The following TENM2 variants were observed in gnomAD, a reference collection of about 807,000 sequenced individuals.
The protein encoded by TENM2 is teneurin transmembrane protein 2.
Under a neutral mutation model 245.2 loss-of-function variants are expected in TENM2, and 52 were observed. That is an observed-to-expected ratio of 0.21 (90% CI 0.17 to 0.27). The LOEUF (loss-of-function observed/expected upper bound fraction) is 0.27, where lower values mean the gene tolerates loss of function less well. Ranked by LOEUF, TENM2 falls within the 10% of genes least tolerant of loss-of-function variation. The pLI is 1.00. For synonymous variants in TENM2, 1,363 were observed against 1,438.9 expected (o/e 0.95, Z 1.19); for missense variants, 3,046 against 3,666.8 (o/e 0.83, Z 4.37).
At chr5:167,607,112 C>A (rs1777109478) in intron 2 of TENM2, among the ~76,000 whole-genome samples, 1 of 152,062 alleles carries the variant, frequency 6.6e-6, no homozygotes, top group Admixed American at 6.6e-5. Context: ...AGAGGGCTGG[C>A]TCTAGAAAAA....
At chr5:167,079,300 A>G in the TENM2 span, among the ~76,000 whole-genome samples, 5 of 148,460 alleles carry the variant, frequency 3.4e-5, no homozygotes, top group South Asian at 1.0e-3. Flanking sequence ...TATTATATAT[A>G]TATAATATAA....
In TENM2 at chr5:167,658,459, C is replaced by T. The variant is rs181149672; in HGVS notation, c.503-217527C>T. On this transcript the variant is annotated intron_variant, in intron 2 of 28. Coordinates refer to ENST00000518659, the Ensembl canonical transcript of TENM2. ...ATGATCTCAGGTGATCTTCCCACCT[C>T]GGCCTCCCAAAGTGGTGAAGCCTCT... Among the ~76,000 whole-genome samples, 6 of 152,218 alleles carry T rather than the reference C, an allele frequency of 3.9e-5. 1 individual carries two copies. The highest frequency in any genetic ancestry group is 1.9e-4 in the East Asian group (1 of 5,170).
intron 12 of TENM2, among the ~76,000 whole-genome samples, chr5:168,138,010 C>A (rs775455093): frequency 1.3e-5 from 2 of 151,546 alleles, no homozygotes; most frequent in East Asian, 2.0e-4. Context: ...CCACTCCAAA[C>A]TCTCAATCAT....
At chr5:167,110,795 G>A in the TENM2 span, among the ~76,000 whole-genome samples, 1 of 152,116 alleles carries the variant, frequency 6.6e-6, no homozygotes, top group African/African-American at 2.4e-5. Context: ...CATTTTTGGA[G>A]ACTCAGAAAA....
the TENM2 span, among the ~76,000 whole-genome samples, chr5:167,223,347 A>G: frequency 6.6e-6 from 1 of 151,222 alleles, no homozygotes. Context: ...CCCCACCCCC[A>G]TACACCCTTC....
At chr5:167,456,799 G>T (rs1240248839) in intron 2 of TENM2, among the ~76,000 whole-genome samples, 1 of 152,076 alleles carries the variant, frequency 6.6e-6, no homozygotes, top group Non-Finnish European at 1.5e-5. Context: ...GCTGATTTTG[G>T]TTTATGCCAT....
intron 2 of TENM2, among the ~76,000 whole-genome samples, chr5:167,400,681 A>G (rs1481372268): frequency 6.6e-6 from 1 of 152,092 alleles, no homozygotes; most frequent in Non-Finnish European, 1.5e-5. Flanking sequence ...GACCCTAGAA[A>G]TGCTCCCTTT....
intron 7 of TENM2, among the ~76,000 whole-genome samples, chr5:168,078,939 T>C (rs949152294): frequency 1.3e-5 from 2 of 152,216 alleles, no homozygotes; most frequent in African/African-American, 4.8e-5. Context: ...ATATGAACTT[T>C]AAAGTAGTTT....
At chr5:167,780,717 A>G (rs57533222) in intron 2 of TENM2, among the ~76,000 whole-genome samples, 18,596 of 152,192 alleles carry the variant, frequency 0.12, 1,641 homozygotes, top group East Asian at 0.42. Context: ...CAACAAAGCT[A>G]TGTAATAATT....
intron 1 of TENM2, among the ~76,000 whole-genome samples, chr5:167,342,558 TC>T (rs1377291352): frequency 7.6e-6 from 1 of 131,652 alleles, no homozygotes; most frequent in Non-Finnish European, 1.6e-5. Flanking sequence ...TCTCGCTCTG[TC>T]GCCCAGGCCG....
the TENM2 span, among the ~76,000 whole-genome samples, chr5:166,979,271 G>C: frequency 6.6e-6 from 1 of 151,086 alleles, no homozygotes; most frequent in African/African-American, 2.4e-5. Context: ...CGGCACAGCA[G>C]GCAGAACTGT....
intron 2 of TENM2, among the ~76,000 whole-genome samples, chr5:167,774,800 G>T (rs1018640277): frequency 6.6e-6 from 1 of 152,144 alleles, no homozygotes; most frequent in Non-Finnish European, 1.5e-5. Context: ...CAGCAAGCCT[G>T]AGTCCCCATG....
rs1407008962 is a variant in TENM2 at position 168,218,536 on chromosome 5, T to A, written c.4645T>A (p.Leu1549Ile). Reference sequence around the variant, plus strand: ...TGCCATCTTGAATTCCCCATCATCCTTAGCTGTAGCTCCAGATGGTACCAT... The same window carrying A: ...TGCCATCTTGAATTCCCCATCATCCATAGCTGTAGCTCCAGATGGTACCAT... Residue 1549 changes from leucine to isoleucine, a missense_variant, in exon 23 of 29, where the codon TTA (leucine) becomes ATA (isoleucine). Leu to Ile is a conservative substitution (Grantham distance 5). Transcript: ENST00000518659. This position sits in a 1 kb window ranked among gnomAD's most constrained non-coding sequence, Gnocchi z 5.2. 1 of 1,614,058 alleles carries A rather than the reference T, an allele frequency of 6.2e-7. No individual in the cohort carries two copies. Among genetic ancestry groups the A allele is most frequent in the Non-Finnish European group, 8.5e-7 (1 of 1,179,902 alleles).
At chr5:168,030,950 C>T (rs1787089247) in intron 5 of TENM2, among the ~76,000 whole-genome samples, 1 of 152,162 alleles carries the variant, frequency 6.6e-6, no homozygotes, top group Non-Finnish European at 1.5e-5. Flanking sequence ...CCTGTTTTTA[C>T]TGAGACTCTT....
intron 2 of TENM2, among the ~76,000 whole-genome samples, chr5:167,780,069 C>T (rs192085739): frequency 1.2e-4 from 18 of 152,276 alleles, no homozygotes; most frequent in South Asian, 6.2e-4. Flanking sequence ...GGTGACACTC[C>T]GGGTGACTCT....
chr5:167,254,217 G>T, the TENM2 span, among the ~76,000 whole-genome samples: 4 of 152,084 alleles, frequency 2.6e-5, no homozygotes, highest in South Asian at 2.1e-4. Flanking sequence ...GGGGAGAAAA[G>T]GTGAAAAGAG....
At chr5:167,646,649 C>T (rs1042678895) in intron 2 of TENM2, among the ~76,000 whole-genome samples, 1 of 151,808 alleles carries the variant, frequency 6.6e-6, no homozygotes, top group African/African-American at 2.4e-5. Flanking sequence ...AATATCAATG[C>T]GTGAACCAGA....
the TENM2 span, among the ~76,000 whole-genome samples, chr5:166,998,273 A>C: frequency 1.3e-5 from 2 of 152,198 alleles, no homozygotes; most frequent in African/African-American, 2.4e-5. Context: ...TGAGTGATCC[A>C]ATCAGGAGGA....
chr5:167,739,702 C>T (rs184795247), intron 2 of TENM2, among the ~76,000 whole-genome samples: 87 of 152,292 alleles, frequency 5.7e-4, no homozygotes, highest in African/African-American at 1.9e-3. Context: ...CCCTAGTTCC[C>T]CTGCTGACTT....
Sources: allele counts gnomAD v4.1 joint callset (sites outside exome capture counted in the v4.1 genomes callset), GRCh38; gene constraint gnomAD v4.1.1; non-coding constraint Gnocchi (gnomAD v3.1); transcripts MANE v1.5; gene names NCBI Gene and HGNC (gene_info 2026-07-23, HGNC 2026-07-21).